The following VSIG10 variants were observed in gnomAD, a reference collection of about 807,000 sequenced individuals.
VSIG10 encodes the protein V-set and immunoglobulin domain containing 10.
In VSIG10, 48 loss-of-function variants were observed where a neutral mutation model predicts 58.7. That is an observed-to-expected ratio of 0.82 (90% CI 0.65 to 1.04). The LOEUF (loss-of-function observed/expected upper bound fraction) is 1.04. Among genes scored for constraint, VSIG10 ranks in the 50% least tolerant of loss-of-function variants. VSIG10 has a pLI of 0.00. For synonymous variants in VSIG10, 260 were observed against 267.1 expected (o/e 0.97, Z 0.26); for missense variants, 628 against 670.0 (o/e 0.94, Z 0.69).
At chr12:118,097,959 C>T (rs937577882) in intron 1 of VSIG10, among the ~76,000 whole-genome samples, 1 of 152,034 alleles carries the variant, frequency 6.6e-6, no homozygotes, top group Non-Finnish European at 1.5e-5. Context: ...GGTACAGACC[C>T]AAGTTGTCTC....
At chr12:118,071,204 A>T (rs1362065933) in intron 6 of VSIG10, 137 bp from the exon 7 acceptor site, 27 of 1,216,680 alleles carry the variant, frequency 2.2e-5, no homozygotes, top group Non-Finnish European at 3.1e-5. Flanking sequence ...GTGTCCCGGG[A>T]TGGTACTTAG....
chr12:118,098,145 A>C (rs1275463538), intron 1 of VSIG10, among the ~76,000 whole-genome samples: 2 of 152,178 alleles, frequency 1.3e-5, no homozygotes, highest in Non-Finnish European at 2.9e-5. Flanking sequence ...TACAGAACCC[A>C]AGTGGCTTTA....
chr12:118,068,208 TTTTTTTCG>T (rs1407239162), intron 8 of VSIG10, among the ~76,000 whole-genome samples, 161 bp downstream of exon 8: 2 of 147,614 alleles, frequency 1.4e-5, no homozygotes, highest in African/African-American at 5.0e-5. Context: ...TTTTTTTTTT[TTTTTTTCG>T]TAGAGACAGA....
At chr12:118,096,046 A>T (rs1325996459) in intron 1 of VSIG10, among the ~76,000 whole-genome samples, 1 of 149,570 alleles carries the variant, frequency 6.7e-6, no homozygotes, top group Non-Finnish European at 1.5e-5. Flanking sequence ...CTGCCTCAGC[A>T]TCCCAAGTAG....
intron 4 of VSIG10, 55 bp downstream of exon 4, chr12:118,079,291 A>G (rs951131441): frequency 1.5e-5 from 24 of 1,591,434 alleles, no homozygotes; most frequent in Non-Finnish European, 2.0e-5. Context: ...TGCTTCTCCT[A>G]GGAGAAAGGA....
At chr12:118,085,368 GACC>G (rs1163810790) in intron 2 of VSIG10, among the ~76,000 whole-genome samples, 3 of 152,188 alleles carry the variant, frequency 2.0e-5, no homozygotes, top group Non-Finnish European at 2.9e-5. Context: ...GGTAGACACA[GACC>G]AGCTTCCTCA....
intron 5 of VSIG10, 41 bp from the exon 6 acceptor site, chr12:118,071,510 T>C: frequency 6.4e-7 from 1 of 1,567,426 alleles, no homozygotes. Flanking sequence ...CCATCAGATA[T>C]GTGTGCAATT....
At position 118,071,087 on chromosome 12, in the gene VSIG10, A is replaced by C. The variant is rs202058468; in HGVS notation, c.1331-20T>G. ...TTCCTACTGAAGAGAGAAAGGAAAA[A>C]CCATTAATATCCAGTAACATCCACT... is the stretch of plus-strand genomic sequence containing the variant. On this transcript the variant is annotated intron_variant, in intron 6 of 8. Coordinates refer to ENST00000359236, the MANE Select transcript of VSIG10 (RefSeq NM_019086.6). The C allele has an allele frequency of 3.6e-5, 57 of 1,590,280 alleles. No homozygotes were observed. In the African/African-American group the frequency reaches 7.5e-4, roughly 21 times the overall value.
intron 6 of VSIG10, 113 bp from the exon 7 acceptor site, chr12:118,071,180 T>A (rs1349713925): frequency 1.5e-6 from 2 of 1,312,520 alleles, no homozygotes; most frequent in African/African-American, 2.9e-5. Context: ...TGACTCAATA[T>A]GACAGGTGAT....
Position 118,073,689 on chromosome 12 carries a change from C to T in VSIG10, c.1219+10G>A, listed in dbSNP as rs2137857570. On this transcript the variant is annotated intron_variant, in intron 5 of 8. Coordinates refer to ENST00000359236, the MANE Select transcript of VSIG10 (RefSeq NM_019086.6). ...ACCCTCCCTCCTTCAGGCCCAGTTC[C>T]ACCACTCACCTTTCACACTCAGCCA... 12 of 1,594,674 alleles carry T rather than the reference C, an allele frequency of 7.5e-6. No homozygotes were observed. Among genetic ancestry groups the T allele is most frequent in the Non-Finnish European group, 1.0e-5 (12 of 1,168,452 alleles).
intron 2 of VSIG10, among the ~76,000 whole-genome samples, chr12:118,093,851 G>A (rs1009624156): frequency 5.9e-5 from 9 of 152,084 alleles, no homozygotes; most frequent in African/African-American, 1.9e-4. Context: ...AGAGGTTGTG[G>A]TGAGCCGAGA....
intron 2 of VSIG10, among the ~76,000 whole-genome samples, chr12:118,094,873 A>G (rs2137943242): frequency 6.7e-6 from 1 of 148,888 alleles, no homozygotes; most frequent in Non-Finnish European, 1.5e-5. Context: ...AGTAGGAGGG[A>G]TTACAGGCGT....
At chr12:118,082,038 A>AAAAAAAAGG in intron 3 of VSIG10, 89 bp downstream of exon 3, 1 of 1,197,746 alleles carries the variant, frequency 8.3e-7, no homozygotes, top group Non-Finnish European at 1.1e-6. Context: ...AAAAAAAAAA[A>AAAAAAAAGG]GACAAATGGG....
intron 3 of VSIG10, among the ~76,000 whole-genome samples, chr12:118,081,755 G>A (rs1234108085): frequency 2.0e-5 from 3 of 152,204 alleles, no homozygotes; most frequent in Non-Finnish European, 4.4e-5. Context: ...AGTGGCTCAC[G>A]CCTGTAATCC....
At chr12:118,086,457 CA>C (rs1204253442) in intron 2 of VSIG10, among the ~76,000 whole-genome samples, 45 of 144,008 alleles carry the variant, frequency 3.1e-4, no homozygotes, top group African/African-American at 7.4e-4. Context: ...AACTGCGTCT[CA>C]AAAAAAAAAA....
At chr12:118,079,275 C>T in intron 4 of VSIG10, 71 bp downstream of exon 4, 1 of 1,567,180 alleles carries the variant, frequency 6.4e-7, no homozygotes, top group Non-Finnish European at 8.7e-7. Context: ...CAGAAGAACT[C>T]TCAAATGCTT....
At chr12:118,095,473 C>T (rs1329031765) in intron 2 of VSIG10, 60 bp downstream of exon 2, 3 of 1,592,610 alleles carry the variant, frequency 1.9e-6, no homozygotes, top group Non-Finnish European at 2.6e-6. Flanking sequence ...TGACCATGGT[C>T]TCCTCCTTTC....
intron 2 of VSIG10, among the ~76,000 whole-genome samples, chr12:118,090,170 C>G (rs184357951): frequency 6.6e-6 from 1 of 152,076 alleles, no homozygotes; most frequent in East Asian, 1.9e-4. Flanking sequence ...AAAAATTGGC[C>G]GAGCATGGTG....
At chr12:118,076,438 A>T (rs2032730937) in intron 4 of VSIG10, among the ~76,000 whole-genome samples, 1 of 151,856 alleles carries the variant, frequency 6.6e-6, no homozygotes, top group African/African-American at 2.4e-5. Context: ...CCCATGATCA[A>T]ATTACCTCCC....
Sources: allele counts gnomAD v4.1 joint callset (sites outside exome capture counted in the v4.1 genomes callset), GRCh38; gene constraint gnomAD v4.1.1; transcripts MANE v1.5; gene names NCBI Gene and HGNC (gene_info 2026-07-23, HGNC 2026-07-21).